The following NAALADL2 variants were observed in gnomAD, a reference collection of about 807,000 sequenced individuals.
NAALADL2 encodes N-acetylated alpha-linked acidic dipeptidase like 2.
In NAALADL2, 76 loss-of-function variants were observed where a neutral mutation model predicts 87.2. That is an observed-to-expected ratio of 0.87 (90% CI 0.72 to 1.05). The LOEUF is 1.05. Ranked by LOEUF, NAALADL2 falls within the 50% of genes least tolerant of loss-of-function variation. The pLI is 0.00. For missense variants in NAALADL2, 1,089 were observed against 945.8 expected (o/e 1.15, Z -1.99); for synonymous variants, 354 against 331.0 (o/e 1.07, Z -0.75).
chr3:175,032,823 G>C (rs111928279), intron 1 of NAALADL2, among the ~76,000 whole-genome samples: 3 of 151,904 alleles, frequency 2.0e-5, no homozygotes, highest in African/African-American at 7.3e-5. Flanking sequence ...AAGTTACTTA[G>C]GAGTCTCAAC....
At chr3:175,358,112 T>G (rs1398464416) in intron 5 of NAALADL2, among the ~76,000 whole-genome samples, 1 of 152,138 alleles carries the variant, frequency 6.6e-6, no homozygotes, top group African/African-American at 2.4e-5. Flanking sequence ...AAATAATTGG[T>G]TTTCATAAAG....
chr3:175,671,928 A>G (rs2149846300), intron 11 of NAALADL2, among the ~76,000 whole-genome samples: 1 of 152,204 alleles, frequency 6.6e-6, no homozygotes, highest in South Asian at 2.1e-4. Flanking sequence ...CAAAAGTGTT[A>G]TAATGCAAAA....
At chr3:174,656,514 A>G (rs1174989921) in intron 2 of NAALADL2, among the ~76,000 whole-genome samples, 1 of 152,210 alleles carries the variant, frequency 6.6e-6, no homozygotes, top group Admixed American at 6.5e-5. Context: ...CAAAGCTCAC[A>G]GAATTGGTAT....
chr3:175,256,421 T>C lies in NAALADL2; in HGVS notation c.830T>C (p.Ile277Thr). Residue 277 changes from isoleucine to threonine, a missense_variant, in exon 4 of 14, where the codon ATC (isoleucine) becomes ACC (threonine). Physicochemically the swap from Ile to Thr is moderately conservative, Grantham distance 89 (BLOSUM62 -1). Transcript: ENST00000454872. ...TTTCTCCTCTTTCAGGCTGAAGTCA[T>C]CGATGTGAGTTATGGAATGGCAGAT... is the stretch of plus-strand genomic sequence containing the variant. The part of the protein sequence containing the change: ...SAKGTLKAEV[I>T]DVSYGMADDL... The C allele has an allele frequency of 1.9e-6, 3 of 1,610,454 alleles. No homozygotes were observed. The highest frequency in any genetic ancestry group is 2.5e-6 in the Non-Finnish European group (3 of 1,178,350).
chr3:174,742,880 T>C (rs551377987), intron 3 of NAALADL2, among the ~76,000 whole-genome samples: 29 of 151,802 alleles, frequency 1.9e-4, no homozygotes, highest in African/African-American at 6.7e-4. Context: ...TAATACAAAA[T>C]AACAATGATG....
intron 3 of NAALADL2, among the ~76,000 whole-genome samples, chr3:174,809,150 C>G (rs1001596635): frequency 6.6e-6 from 1 of 151,960 alleles, no homozygotes; most frequent in African/African-American, 2.4e-5. Flanking sequence ...CTGGGGAAAC[C>G]TTTATTGTAA....
At chr3:175,580,954 A>G (rs919482509) in intron 10 of NAALADL2, among the ~76,000 whole-genome samples, 1 of 152,110 alleles carries the variant, frequency 6.6e-6, no homozygotes, top group African/African-American at 2.4e-5. Flanking sequence ...TGAGAAAAAT[A>G]CATAATATTT....
At chr3:174,542,674 C>G (rs1578129701) in intron 1 of NAALADL2, among the ~76,000 whole-genome samples, 1 of 152,274 alleles carries the variant, frequency 6.6e-6, no homozygotes, top group East Asian at 1.9e-4. Context: ...CTGGTTATAG[C>G]TATGTAACCA....
chr3:174,445,314 C>A (rs919874389), intron 1 of NAALADL2, among the ~76,000 whole-genome samples: 3 of 151,984 alleles, frequency 2.0e-5, no homozygotes, highest in African/African-American at 7.2e-5. Flanking sequence ...TAATGAACCC[C>A]AGTATATTCA....
At chr3:174,582,334 T>C (rs1716256268) in intron 2 of NAALADL2, among the ~76,000 whole-genome samples, 1 of 152,208 alleles carries the variant, frequency 6.6e-6, no homozygotes, top group African/African-American at 2.4e-5. Context: ...TATCTTATGC[T>C]GCAAAATATA....
chr3:175,780,363 A>AAC (rs529411990), intron 13 of NAALADL2, among the ~76,000 whole-genome samples: 1 of 152,016 alleles, frequency 6.6e-6, no homozygotes, highest in African/African-American at 2.4e-5. Context: ...CATGCACACA[A>AAC]ACACACACAA....
chr3:175,562,588 C>T (rs1716441379), intron 9 of NAALADL2, among the ~76,000 whole-genome samples: 1 of 151,432 alleles, frequency 6.6e-6, no homozygotes, highest in South Asian at 2.1e-4. Context: ...ATATAGATTG[C>T]AAGTACAATA....
At chr3:174,908,426 A>G (rs1184263370) in intron 1 of NAALADL2, among the ~76,000 whole-genome samples, 1 of 152,108 alleles carries the variant, frequency 6.6e-6, no homozygotes, top group Non-Finnish European at 1.5e-5. Flanking sequence ...GCTGTATAAA[A>G]AGGCTTTATA....
At chr3:175,596,932 T>C (rs556571545) in intron 10 of NAALADL2, among the ~76,000 whole-genome samples, 1 of 152,084 alleles carries the variant, frequency 6.6e-6, no homozygotes, top group Non-Finnish European at 1.5e-5. Context: ...GATACTATAA[T>C]ACTATGGCCT....
intron 11 of NAALADL2, among the ~76,000 whole-genome samples, chr3:175,645,367 T>A (rs556473017): frequency 6.6e-6 from 1 of 152,208 alleles, no homozygotes; most frequent in East Asian, 1.9e-4. Context: ...ATCTTCCTCA[T>A]GGGGCTGACA....
At chr3:175,561,074 T>C (rs575954276) in intron 9 of NAALADL2, among the ~76,000 whole-genome samples, 51 of 152,316 alleles carry the variant, frequency 3.3e-4, no homozygotes, top group African/African-American at 1.1e-3. Context: ...AGGCCTGCTA[T>C]TGGGAAAAAA....
upstream of NAALADL2, among the ~76,000 whole-genome samples, chr3:174,856,785 T>C (rs766999642): frequency 8.1e-4 from 122 of 149,874 alleles, 1 homozygote; most frequent in Non-Finnish European, 8.9e-4. Flanking sequence ...ATTTGTAAAA[T>C]TGTGAAGAAG....
At position 175,802,986 on chromosome 3, in the gene NAALADL2, A is replaced by G. The variant is rs1426239272; in HGVS notation, c.2190-19A>G. 3 of 1,557,478 alleles carry G rather than the reference A, an allele frequency of 1.9e-6. No homozygotes were observed. The highest frequency in any genetic ancestry group is 2.2e-5 in the South Asian group (2 of 89,104). On this transcript the variant is annotated intron_variant, in intron 13 of 13. Transcript: ENST00000454872. ...AGCATTGTGCATGAAACATTTATAC[A>G]TTTTGTATTTCTTTTCAGAAACATC...
intron 1 of NAALADL2, among the ~76,000 whole-genome samples, chr3:175,029,666 A>T (rs138706759): frequency 1.3e-3 from 203 of 152,206 alleles, no homozygotes; most frequent in African/African-American, 4.8e-3. Context: ...TTGAAAAATG[A>T]AATAAGTCTA....
Sources: allele counts gnomAD v4.1 joint callset (sites outside exome capture counted in the v4.1 genomes callset), GRCh38; gene constraint gnomAD v4.1.1; transcripts MANE v1.5; gene names NCBI Gene and HGNC (gene_info 2026-07-23, HGNC 2026-07-21).